Variants in PCSK5 observed in about 807,000 individuals in gnomAD.
PCSK5 encodes the protein prohormone convertase 5.
A neutral mutation model predicts 233.2 loss-of-function variants in PCSK5; 129 were observed. The observed-to-expected ratio is 0.55, with a 90% CI of 0.48 to 0.64. The LOEUF (loss-of-function observed/expected upper bound fraction) is 0.64. PCSK5 is among the 30% of genes least tolerant of loss of function. The pLI, the probability that PCSK5 is intolerant of heterozygous loss-of-function variation, is 0.00. For synonymous variants in PCSK5, 825 were observed against 879.2 expected (o/e 0.94, Z 1.09); for missense variants, 2,076 against 2,430.1 (o/e 0.85, Z 3.06).
At chr9:76,323,829 A>G (rs1485167068) in intron 32 of PCSK5, among the ~76,000 whole-genome samples, 1 of 152,190 alleles carries the variant, frequency 6.6e-6, no homozygotes, top group Admixed American at 6.5e-5. Context: ...TACAGCAGAG[A>G]GGAGGAGCCT....
chr9:76,277,187 T>C (rs544699865), intron 24 of PCSK5, among the ~76,000 whole-genome samples: 5 of 152,168 alleles, frequency 3.3e-5, no homozygotes, highest in Non-Finnish European at 5.9e-5. Context: ...ATCATGCCAC[T>C]GCACTCCAGC....
chr9:76,045,105 A>G (rs1384208902), intron 5 of PCSK5, among the ~76,000 whole-genome samples: 9 of 152,188 alleles, frequency 5.9e-5, no homozygotes, highest in Admixed American at 3.9e-4. Flanking sequence ...TTGGCTTTGG[A>G]ATTTTCCCAT....
At chr9:76,213,793 A>G (rs537404417) in intron 20 of PCSK5, among the ~76,000 whole-genome samples, 1 of 152,118 alleles carries the variant, frequency 6.6e-6, no homozygotes, top group African/African-American at 2.4e-5. Flanking sequence ...ACTTCAGTCA[A>G]CCCAATCATT....
rs530669949 is a variant in PCSK5, at chr9:76,352,534, T to C, written c.5068-1499T>C. The stretch of plus-strand genomic sequence containing the variant: ...GCTTCTGACCACGATGCCCAGCTAA[T>C]TTTTTGTATTTTTAGTAGAGATGGG... On this transcript the variant is annotated intron_variant, in intron 36 of 37. Coordinates refer to ENST00000674117, the MANE Select transcript of PCSK5 (RefSeq NM_001372043.1). Among the ~76,000 whole-genome samples, 185 of 152,182 alleles carry C rather than the reference T, an allele frequency of 1.2e-3. No individual in the cohort carries two copies. In the Middle Eastern group the frequency reaches 0.017, roughly 14 times the overall value.
At chr9:76,103,631 T>A (rs1373109638) in intron 8 of PCSK5, among the ~76,000 whole-genome samples, 1 of 152,184 alleles carries the variant, frequency 6.6e-6, no homozygotes, top group Admixed American at 6.5e-5. Context: ...TACCCACCGC[T>A]TGTCATCAAA....
intron 9 of PCSK5, among the ~76,000 whole-genome samples, chr9:76,130,144 T>C: frequency 6.6e-6 from 1 of 152,126 alleles, no homozygotes; most frequent in East Asian, 1.9e-4. Context: ...TATTTTTCTG[T>C]TTACCTTTGA....
intron 10 of PCSK5, among the ~76,000 whole-genome samples, chr9:76,140,822 A>G (rs1048534262): frequency 5.9e-5 from 9 of 152,142 alleles, no homozygotes; most frequent in African/African-American, 2.2e-4. Flanking sequence ...ATTGTAGCCT[A>G]TCAACAGCCT....
intron 5 of PCSK5, among the ~76,000 whole-genome samples, chr9:76,033,928 G>T: frequency 6.6e-6 from 1 of 152,142 alleles, no homozygotes; most frequent in East Asian, 1.9e-4. Context: ...TTTGACACAT[G>T]AATTTTGGAG....
intron 23 of PCSK5, 135 bp from the exon 24 acceptor site, chr9:76,240,481 G>A (rs969158226): frequency 3.1e-5 from 20 of 653,994 alleles, no homozygotes; most frequent in African/African-American, 9.0e-5. Context: ...ATATATCCTC[G>A]AGGACGGTTT....
intron 20 of PCSK5, among the ~76,000 whole-genome samples, chr9:76,197,288 ACTG>A (rs892582282): frequency 3.9e-5 from 6 of 152,152 alleles, no homozygotes; most frequent in African/African-American, 1.4e-4. Flanking sequence ...TCCATGGGAG[ACTG>A]CTAATTATCA....
chr9:76,221,374 T>C (rs951573369), intron 20 of PCSK5, among the ~76,000 whole-genome samples: 1 of 152,186 alleles, frequency 6.6e-6, no homozygotes, highest in African/African-American at 2.4e-5. Flanking sequence ...AATGAATCCA[T>C]ACCAGCAAAT....
intron 9 of PCSK5, among the ~76,000 whole-genome samples, chr9:76,111,835 G>C (rs1302451037): frequency 6.6e-6 from 1 of 152,112 alleles, no homozygotes; most frequent in Admixed American, 6.6e-5. Flanking sequence ...AAAGTGTTTT[G>C]CATCTAGGTC....
At chr9:76,099,686 G>A (rs1831679485) in intron 8 of PCSK5, among the ~76,000 whole-genome samples, 1 of 152,106 alleles carries the variant, frequency 6.6e-6, no homozygotes, top group African/African-American at 2.4e-5. Context: ...ATAATCCTGT[G>A]TTGCGCCTGG....
intron 1 of PCSK5, among the ~76,000 whole-genome samples, chr9:75,920,003 A>C (rs925642519): frequency 6.6e-6 from 1 of 152,134 alleles, no homozygotes; most frequent in Non-Finnish European, 1.5e-5. Flanking sequence ...CCTCGTCTCT[A>C]CCAAAAAATA....
chr9:76,254,204 T>C (rs1258983507), intron 24 of PCSK5, among the ~76,000 whole-genome samples: 1 of 152,168 alleles, frequency 6.6e-6, no homozygotes, highest in Non-Finnish European at 1.5e-5. Flanking sequence ...GGTGCAATCT[T>C]ACCATGTGCC....
At chr9:76,349,273 CAAAA>C (rs71372068) in intron 35 of PCSK5, among the ~76,000 whole-genome samples, 21 of 66,490 alleles carry the variant, frequency 3.2e-4, no homozygotes, top group Non-Finnish European at 5.9e-4. Flanking sequence ...GACTCTGTCT[CAAAA>C]AAAAAAAAAA....
rs528151960 is a variant in PCSK5, at chr9:76,291,728, C to T, written c.3143-505C>T. Among the ~76,000 whole-genome samples the T allele has an allele frequency of 1.0e-3, 155 of 152,208 alleles. 3 individuals are homozygous for T. Among genetic ancestry groups the T allele is most frequent in the Middle Eastern group, 3.4e-3 (1 of 294 alleles). On this transcript the variant is annotated intron_variant, in intron 24 of 37. Transcript: ENST00000674117. ...CAAGACAGTTTTTTTAAGAAAGTTGCGAAGGGCGTAACATGAAGTGGATAC... is the reference window on the plus strand; with the variant it reads ...CAAGACAGTTTTTTTAAGAAAGTTGTGAAGGGCGTAACATGAAGTGGATAC...
intron 37 of PCSK5, among the ~76,000 whole-genome samples, chr9:76,356,862 A>T (rs1307804113): frequency 6.6e-6 from 1 of 152,132 alleles, no homozygotes; most frequent in Non-Finnish European, 1.5e-5. Flanking sequence ...CCTGTGTAGG[A>T]TGTACCTAGA....
At chr9:76,027,897 G>A (rs1828496060) in intron 5 of PCSK5, among the ~76,000 whole-genome samples, 1 of 152,150 alleles carries the variant, frequency 6.6e-6, no homozygotes, top group African/African-American at 2.4e-5. Flanking sequence ...AAGTTGCAAA[G>A]AGAACTGTTT....
Sources: allele counts gnomAD v4.1 joint callset (sites outside exome capture counted in the v4.1 genomes callset), GRCh38; gene constraint gnomAD v4.1.1; transcripts MANE v1.5; gene names NCBI Gene and HGNC (gene_info 2026-07-23, HGNC 2026-07-21).